Variants in NRDC observed in about 807,000 individuals in gnomAD.
The protein encoded by NRDC is nardilysin.
In NRDC, 54 loss-of-function variants were observed where a neutral mutation model predicts 147.1. The ratio of observed to expected loss-of-function variants is 0.37; its 90% CI spans 0.29 to 0.46. The LOEUF is 0.46. Among genes scored for constraint, NRDC ranks in the 20% least tolerant of loss-of-function variants. NRDC has a pLI of 1.00. For synonymous variants in NRDC, 440 were observed against 482.1 expected, an observed-to-expected ratio of 0.91 and a Z score of 1.14; for missense variants, 1,082 against 1,370.6, an observed-to-expected ratio of 0.79 and a Z score of 3.33.
At chr1:51,820,687 C>A (rs573551216) in intron 8 of NRDC, among the ~76,000 whole-genome samples, 3 of 152,124 alleles carry the variant, frequency 2.0e-5, no homozygotes, top group Non-Finnish European at 2.9e-5. Flanking sequence ...AATAACCAAT[C>A]AGTTGTCATT....
intron 1 of NRDC, chr1:51,862,131 C>G (rs1682572307): frequency 1.3e-5 from 2 of 152,162 alleles, no homozygotes; most frequent in African/African-American, 4.8e-5. Flanking sequence ...TTAGTATTAG[C>G]TGATTTAGCA....
chr1:51,875,120 C>T (rs187832563), intron 1 of NRDC, among the ~76,000 whole-genome samples: 3 of 152,296 alleles, frequency 2.0e-5, no homozygotes, highest in East Asian at 1.9e-4. Context: ...GCTGCAGATG[C>T]GTCTAAGTGT....
chr1:51,843,867 G>GA (rs1402141281), intron 1 of NRDC, among the ~76,000 whole-genome samples: 180 of 139,092 alleles, frequency 1.3e-3, no homozygotes, highest in Middle Eastern at 7.3e-3. Context: ...CAGGTTGGGG[G>GA]AAAAAAAAAA....
chr1:51,795,141 C>T, intron 22 of NRDC: 1 of 1,390,526 alleles, frequency 7.2e-7, no homozygotes, highest in Non-Finnish European at 9.5e-7. Flanking sequence ...TTGGTTTACC[C>T]AACTAGGCTG....
In NRDC at chr1:51,832,353, T is replaced by A. The variant is rs1409688830; in HGVS notation, c.866+1664A>T. On this transcript the variant is annotated intron_variant, in intron 4 of 30. Coordinates refer to ENST00000352171, the MANE Select transcript of NRDC (RefSeq NM_001101662.2). ...TGAGCCACCACACCAGGCCAATTTTTAAAAAAAATATTAGATCTCTATCAT... is the reference window on the plus strand; with the variant it reads ...TGAGCCACCACACCAGGCCAATTTTAAAAAAAAATATTAGATCTCTATCAT... 5.3e-5 allele frequency among the ~76,000 whole-genome samples: 8 copies of A among 152,038 alleles called. No individual in the cohort carries two copies. The East Asian group carries it at 1.2e-3, about 22-fold the overall frequency.
chr1:51,849,364 G>A lies in NRDC; in HGVS notation c.342-8850C>T, dbSNP rs1044379575. On this transcript the variant is annotated intron_variant, in intron 1 of 30. Coordinates refer to ENST00000352171, the MANE Select transcript of NRDC (RefSeq NM_001101662.2). ...CGGGAGGCGGAGCTTGCAGTGAGCC[G>A]AGATCCCGCCACTGCACTACAACTT... 2.2e-4 allele frequency among the ~76,000 whole-genome samples: 34 copies of A among 151,866 alleles called. 1 individual carries two copies. Among genetic ancestry groups the A allele is most frequent in the Admixed American group, 1.2e-3 (19 of 15,248 alleles).
chr1:51,875,805 C>T (rs1209839041), intron 1 of NRDC, among the ~76,000 whole-genome samples: 1 of 152,096 alleles, frequency 6.6e-6, no homozygotes, highest in African/African-American at 2.4e-5. Context: ...CCTCCCAACA[C>T]GGCCCCCCAA....
chr1:51,855,872 CA>C (rs1007386201), intron 1 of NRDC, among the ~76,000 whole-genome samples: 5 of 148,068 alleles, frequency 3.4e-5, no homozygotes, highest in Non-Finnish European at 4.5e-5. Flanking sequence ...GACTCTGTGT[CA>C]AAAAAAAATA....
rs1166461299 is a variant in NRDC, at chr1:51,814,560, G to A, written c.1610C>T (p.Pro537Leu). The change falls in exon 13 of 31, where the codon CCA (proline) becomes CTA (leucine). Residue 537 changes from proline to leucine, a missense_variant. Around this residue, in one of 3 missense-constraint regions of NRDC, gnomAD observed 635 missense variants for 923.8 expected, o/e 0.69. Transcript: ENST00000352171. ...QYLKMLQKLG[P>L]EKRIFEEIRK... ...AGGAAGTGTTTATTACCTTTTTTCT[G>A]GGCCTAGCTTCTGCAGCATTTTTAA... is the stretch of plus-strand genomic sequence containing the variant. 5.6e-6 allele frequency: 9 copies of A among 1,612,668 alleles called. No individual in the cohort carries two copies. Among genetic ancestry groups the A allele is most frequent in the Non-Finnish European group, 7.6e-6 (9 of 1,179,262 alleles).
intron 17 of NRDC, 22 bp downstream of exon 17, chr1:51,809,293 T>G (rs1163209055): frequency 6.5e-7 from 1 of 1,544,480 alleles, no homozygotes; most frequent in African/African-American, 1.4e-5. Context: ...GGATTATGTA[T>G]AAAAATTGCT....
intron 3 of NRDC, 84 bp from the exon 4 acceptor site, chr1:51,834,254 A>G: frequency 7.2e-7 from 1 of 1,383,310 alleles, no homozygotes; most frequent in East Asian, 2.3e-5. Flanking sequence ...TATGCATAGA[A>G]AAACTGAAAG....
chr1:51,877,170 C>T (rs190431224), intron 1 of NRDC, among the ~76,000 whole-genome samples: 2 of 151,622 alleles, frequency 1.3e-5, no homozygotes, highest in African/African-American at 4.8e-5. Context: ...CCTGGTGACA[C>T]AGCAAGACTC....
chr1:51,859,405 A>T (rs1349575890), intron 1 of NRDC, among the ~76,000 whole-genome samples: 8 of 152,230 alleles, frequency 5.3e-5, no homozygotes, highest in Non-Finnish European at 1.2e-4. Context: ...CTGGAGTCAG[A>T]GGTCTGGATG....
chr1:51,847,132 T>C (rs557118061), intron 1 of NRDC, among the ~76,000 whole-genome samples: 3 of 150,382 alleles, frequency 2.0e-5, no homozygotes, highest in African/African-American at 7.4e-5. Flanking sequence ...TTTACAAACC[T>C]TGAGCTAGAC....
Position 51,794,605 on chromosome 1 carries a change from A to T in NRDC, c.2642T>A (p.Leu881Gln). 2 of 1,614,156 alleles carry T rather than the reference A, an allele frequency of 1.2e-6. No individual in the cohort carries two copies. The highest frequency in any genetic ancestry group is 1.7e-6 in the Non-Finnish European group (2 of 1,179,976). Residue 881 changes from leucine to glutamine, a missense_variant, in exon 24 of 31, where the codon CTA becomes CAA. Transcript: ENST00000352171. The stretch of plus-strand genomic sequence containing the variant: ...CTCCTGCTCCAGAGGCTTGAAGTTT[A>T]GTTTGCTGCAAGAGAATCAGTATGG... The part of the protein sequence containing the change: ...MDFLKYVVDK[L>Q]NFKPLEQEMP...
chr1:51,858,464 C>T (rs1013319857), intron 1 of NRDC, among the ~76,000 whole-genome samples: 1 of 147,404 alleles, frequency 6.8e-6, no homozygotes, highest in African/African-American at 2.5e-5. Flanking sequence ...GAGGGAAACC[C>T]TGTCTTTAAA....
chr1:51,868,924 A>G (rs544160696), intron 1 of NRDC, among the ~76,000 whole-genome samples: 15 of 152,292 alleles, frequency 9.8e-5, no homozygotes, highest in Middle Eastern at 3.4e-3. Flanking sequence ...TGGTTAATGC[A>G]GGGTAGAATA....
intron 1 of NRDC, among the ~76,000 whole-genome samples, chr1:51,867,113 T>C (rs1682848814): frequency 6.6e-6 from 1 of 152,064 alleles, no homozygotes; most frequent in African/African-American, 2.4e-5. Context: ...GCACTGGGAT[T>C]ACAGGCATCA....
chr1:51,821,541 A>C lies in NRDC; in HGVS notation c.1174T>G (p.Leu392Val), dbSNP rs145380690. 6.2e-7 allele frequency: 1 copy of C among 1,608,722 alleles called. No homozygotes were observed. The highest frequency in any genetic ancestry group is 8.5e-7 in the Non-Finnish European group (1 of 1,175,338). Reference protein sequence around the residue: ...VVQSKETLDTLEKWVTEIFSQ... With the variant: ...VVQSKETLDTVEKWVTEIFSQ... ...AAGATTTCAGTCACCCACTTTTCCA[A>C]AGTATCCAGTGTTTCTTGAGAGGGG... The change falls in exon 8 of 31, where the codon TTG (leucine) becomes GTG (valine). Residue 392 changes from leucine to valine, a missense_variant. Physicochemically the swap from Leu to Val is conservative, Grantham distance 32. Transcript: ENST00000352171.
Sources: allele counts gnomAD v4.1 joint callset (sites outside exome capture counted in the v4.1 genomes callset), GRCh38; gene constraint gnomAD v4.1.1; regional missense constraint gnomAD v4.1.1; transcripts MANE v1.5; gene names NCBI Gene and HGNC (gene_info 2026-07-23, HGNC 2026-07-21).